The following VDAC1 variants were observed in gnomAD, a reference collection of about 807,000 sequenced individuals.
VDAC1 encodes voltage dependent anion channel 1, also known as non-selective voltage-gated ion channel VDAC1.
A neutral mutation model predicts 34.7 loss-of-function variants in VDAC1; 10 were observed. The ratio of observed to expected loss-of-function variants is 0.29; its 90% confidence interval spans 0.18 to 0.49. The LOEUF (loss-of-function observed/expected upper bound fraction) is 0.49, where lower values mean the gene tolerates loss of function less well. VDAC1 is among the 20% of genes least tolerant of loss of function. The probability of loss-of-function intolerance (pLI) is 0.99; values close to 1 mark genes in which losing one functional copy is unlikely to be tolerated. For synonymous variants in VDAC1, 130 were observed against 136.0 expected (o/e 0.96, Z 0.30); for missense variants, 230 against 347.9 (o/e 0.66, Z 2.69).
chr5:134,080,614 G>T, the VDAC1 span, among the ~76,000 whole-genome samples: 2 of 129,300 alleles, frequency 1.5e-5, no homozygotes, highest in Middle Eastern at 4.3e-3. Context: ...CAGGTTAAGT[G>T]TTGGGGCACC....
the VDAC1 span, among the ~76,000 whole-genome samples, chr5:134,055,349 G>T: frequency 1.3e-5 from 2 of 152,176 alleles, no homozygotes; most frequent in Non-Finnish European, 2.9e-5. Flanking sequence ...CGTGTCTCAG[G>T]CGTGCACAAA....
At chr5:134,041,137 T>G in the VDAC1 span, among the ~76,000 whole-genome samples, 1 of 152,202 alleles carries the variant, frequency 6.6e-6, no homozygotes, top group Non-Finnish European at 1.5e-5. Context: ...GGGAAAACAT[T>G]ACCAGCTCCT....
At chr5:134,046,030 ATTTAT>A in the VDAC1 span, among the ~76,000 whole-genome samples, 1 of 131,958 alleles carries the variant, frequency 7.6e-6, no homozygotes, top group Non-Finnish European at 1.6e-5. Context: ...CTATTTATTT[ATTTAT>A]TTATTTTTGA....
At chr5:134,110,708 G>A in the VDAC1 span, among the ~76,000 whole-genome samples, 4 of 152,218 alleles carry the variant, frequency 2.6e-5, no homozygotes, top group Non-Finnish European at 5.9e-5. Context: ...AGGAAGAGAC[G>A]CCGCTCACAA....
chr5:134,057,411 C>A, the VDAC1 span, among the ~76,000 whole-genome samples: 3 of 151,770 alleles, frequency 2.0e-5, no homozygotes, highest in Admixed American at 1.3e-4. Context: ...ACCTGGGAGG[C>A]GGAGGTTGCA....
chr5:134,014,738 C>T, the VDAC1 span, among the ~76,000 whole-genome samples: 4 of 152,124 alleles, frequency 2.6e-5, no homozygotes, highest in South Asian at 2.1e-4. Context: ...TGGTGGTACA[C>T]GCCTGCAGTC....
At chr5:134,088,032 G>A in the VDAC1 span, among the ~76,000 whole-genome samples, 2 of 151,240 alleles carry the variant, frequency 1.3e-5, no homozygotes, top group African/African-American at 4.9e-5. Flanking sequence ...GCGCGTGCCT[G>A]TAATCCCAGC....
the VDAC1 span, among the ~76,000 whole-genome samples, chr5:134,019,801 T>C: frequency 1.3e-5 from 2 of 152,182 alleles, no homozygotes; most frequent in Non-Finnish European, 2.9e-5. Context: ...ACCAAGCACC[T>C]GGCCTGTCTG....
At chr5:134,058,837 C>T in the VDAC1 span, among the ~76,000 whole-genome samples, 1 of 152,204 alleles carries the variant, frequency 6.6e-6, no homozygotes, top group Non-Finnish European at 1.5e-5. Context: ...TCCAAGGCCT[C>T]TCCACAAGCC....
intron 1 of VDAC1, among the ~76,000 whole-genome samples, chr5:133,994,432 C>A (rs1753217851): frequency 6.6e-6 from 1 of 152,170 alleles, no homozygotes; most frequent in Non-Finnish European, 1.5e-5. Flanking sequence ...TTATTTCTTG[C>A]ACATGATCAG....
the VDAC1 span, among the ~76,000 whole-genome samples, chr5:134,039,536 A>C: frequency 3.3e-5 from 5 of 151,928 alleles, no homozygotes; most frequent in African/African-American, 4.8e-5. Context: ...TCACCGTGTT[A>C]GCCAGGATGG....
intron 1 of VDAC1, among the ~76,000 whole-genome samples, chr5:134,004,160 C>T (rs1753667267): frequency 6.6e-6 from 1 of 152,048 alleles, no homozygotes; most frequent in Non-Finnish European, 1.5e-5. Context: ...CCTGGGGACT[C>T]GGGGCCACGG....
chr5:134,062,516 A>T, the VDAC1 span, among the ~76,000 whole-genome samples: 1 of 151,804 alleles, frequency 6.6e-6, no homozygotes, highest in African/African-American at 2.4e-5. Flanking sequence ...TGCCTATAAT[A>T]TTCTCATATT....
At chr5:134,105,108 T>C in the VDAC1 span, among the ~76,000 whole-genome samples, 1 of 152,066 alleles carries the variant, frequency 6.6e-6, no homozygotes, top group African/African-American at 2.4e-5. Context: ...GGGAAAGAAC[T>C]CGCTCCGTGA....
chr5:134,066,616 A>AGT, the VDAC1 span, among the ~76,000 whole-genome samples: 1 of 152,244 alleles, frequency 6.6e-6, no homozygotes, highest in Non-Finnish European at 1.5e-5. Context: ...AGTCCTGGCT[A>AGT]GTGTGATAGC....
In VDAC1 at chr5:133,991,174, G is replaced by T; in HGVS notation, c.118-20C>A. 1 of 1,605,836 alleles carries T rather than the reference G, an allele frequency of 6.2e-7. No individual in the cohort carries two copies. Reference sequence around the variant, plus strand: ...AAATTCCTTCAAAGGAGAGAGAAGAGTCACAGCCTGCACCATAGCACTCAC... The same window carrying T: ...AAATTCCTTCAAAGGAGAGAGAAGATTCACAGCCTGCACCATAGCACTCAC... On this transcript the variant is annotated intron_variant, in intron 3 of 8. Transcript: ENST00000265333.
the VDAC1 span, among the ~76,000 whole-genome samples, chr5:134,035,309 A>C: frequency 6.6e-6 from 1 of 152,306 alleles, no homozygotes; most frequent in Admixed American, 6.5e-5. Flanking sequence ...TGGTGCCATC[A>C]TCTCTTACTG....
At position 133,975,980 on chromosome 5, in the gene VDAC1, A is replaced by G; in HGVS notation, c.593T>C (p.Val198Ala). 6.2e-7 allele frequency: 1 copy of G among 1,613,908 alleles called. No individual in the cohort carries two copies. The highest frequency in any genetic ancestry group is 8.5e-7 in the Non-Finnish European group (1 of 1,180,014). ...GACAGCGGTCTCCAACTTCTTGTTC[A>G]CTTTCTGGTAAATGGAGCCGCCAAA... ...TEFGGSIYQKVNKKLETAVNL... is the reference protein window; with the variant it reads ...TEFGGSIYQKANKKLETAVNL... Residue 198 changes from valine (V) to alanine (A), a missense_variant, in exon 7 of 9, where the codon GTG (valine) becomes GCG (alanine). Transcript: ENST00000265333.
At chr5:134,017,327 G>A in the VDAC1 span, among the ~76,000 whole-genome samples, 29 of 152,228 alleles carry the variant, frequency 1.9e-4, no homozygotes, top group African/African-American at 5.1e-4. Flanking sequence ...TTAGCCGGGC[G>A]TAGTGGCACA....
Sources: gnomAD v4.1 joint callset for allele counts (sites outside exome capture counted in the v4.1 genomes callset) on GRCh38, gnomAD v4.1.1 for gene constraint, MANE v1.5 for transcripts, NCBI Gene and HGNC (gene_info 2026-07-23, HGNC 2026-07-21) for gene names.